The following MMP26 variants were observed in gnomAD, a reference collection of about 807,000 sequenced individuals.
The protein encoded by MMP26 is matrix metalloproteinase-26.
MMP26 carries 33 observed loss-of-function variants against 31.0 expected under a neutral mutation model. The observed-to-expected ratio is 1.06, with a 90% CI of 0.81 to 1.42. MMP26 has a LOEUF of 1.42. MMP26 is among the 40% of genes most tolerant of loss of function. The pLI, the probability that MMP26 is intolerant of heterozygous loss-of-function variation, is 0.00. For synonymous variants in MMP26, 122 were observed against 114.9 expected (o/e 1.06, Z -0.40); for missense variants, 347 against 316.1 (o/e 1.10, Z -0.74).
chr11:4,836,969 G>A (rs774245830), intron 2 of MMP26, among the ~76,000 whole-genome samples: 5 of 151,798 alleles, frequency 3.3e-5, no homozygotes, highest in African/African-American at 1.2e-4. Flanking sequence ...CTTTTTTAGA[G>A]CAATATATGA....
chr11:4,922,083 T>A (rs1267997433), intron 2 of MMP26, among the ~76,000 whole-genome samples: 1 of 152,214 alleles, frequency 6.6e-6, no homozygotes, highest in Non-Finnish European at 1.5e-5. Flanking sequence ...CTTTCACTTA[T>A]AAGGGAGAAC....
intron 2 of MMP26, among the ~76,000 whole-genome samples, chr11:4,847,258 C>G (rs746888146): frequency 2.0e-5 from 3 of 152,140 alleles, no homozygotes; most frequent in Non-Finnish European, 4.4e-5. Context: ...CCACTTTGTC[C>G]CTCCTGATGT....
At chr11:4,808,643 A>G (rs1589907419) in intron 2 of MMP26, among the ~76,000 whole-genome samples, 1 of 150,694 alleles carries the variant, frequency 6.6e-6, no homozygotes, top group Middle Eastern at 3.4e-3. Context: ...CTTCCCATTC[A>G]CTCATACTTC....
intron 2 of MMP26, chr11:4,937,379 C>T (rs1846136159): frequency 6.6e-6 from 1 of 152,186 alleles, no homozygotes; most frequent in South Asian, 2.1e-4. Flanking sequence ...CAAAGTTTCC[C>T]CACAACCTTT....
intron 2 of MMP26, chr11:4,882,792 C>T (rs142859984): frequency 2.5e-5 from 41 of 1,613,736 alleles, no homozygotes; most frequent in Non-Finnish European, 3.3e-5. Flanking sequence ...AGCTTGAAGA[C>T]CAAGACAATC....
rs1014212336 is a variant in MMP26, at chr11:4,714,710, A to G, written c.-217+9665A>G. Among the ~76,000 whole-genome samples, 18 of 152,218 alleles carry G rather than the reference A, an allele frequency of 1.2e-4. 1 individual carries two copies. Among genetic ancestry groups the G allele is most frequent in the African/African-American group, 4.3e-4 (18 of 41,548 alleles). On this transcript the variant is annotated intron_variant, in intron 1 of 7. Transcript: ENST00000380390. ...GTTTGTATGACGGTATAACAATATC[A>G]CTTACTCTGTAATCAGAGAAGAGAG...
chr11:4,778,204 A>C (rs1408030164), intron 2 of MMP26, among the ~76,000 whole-genome samples: 2 of 151,956 alleles, frequency 1.3e-5, no homozygotes, highest in African/African-American at 4.8e-5. Context: ...TAATTTCTTT[A>C]TGACTAATAG....
At chr11:4,906,820 G>A (rs796794057) in intron 2 of MMP26, among the ~76,000 whole-genome samples, 1 of 152,130 alleles carries the variant, frequency 6.6e-6, no homozygotes, top group Admixed American at 6.5e-5. Context: ...GCCAGATGCA[G>A]TGGCTCACAC....
intron 2 of MMP26, among the ~76,000 whole-genome samples, chr11:4,978,625 T>A (rs1846771874): frequency 6.6e-6 from 1 of 152,044 alleles, no homozygotes; most frequent in African/African-American, 2.4e-5. Context: ...TTCCTCATAT[T>A]AAAAAAATTA....
At chr11:4,923,655 T>C (rs1218438955) in intron 2 of MMP26, 1 of 1,613,878 alleles carries the variant, frequency 6.2e-7, no homozygotes, top group South Asian at 1.1e-5. Flanking sequence ...GAGGCAATGC[T>C]GAGCACGGTG....
intron 2 of MMP26, among the ~76,000 whole-genome samples, chr11:4,916,154 TA>T (rs5789343): frequency 7.0e-4 from 103 of 146,488 alleles, no homozygotes; most frequent in Non-Finnish European, 6.3e-4. Context: ...CAGTCTCTAC[TA>T]AAAAAAAAAA....
intron 2 of MMP26, among the ~76,000 whole-genome samples, chr11:4,938,778 G>A (rs1339321121): frequency 6.6e-6 from 1 of 152,100 alleles, no homozygotes; most frequent in Non-Finnish European, 1.5e-5. Context: ...CAGCATATAT[G>A]TATAGGATGA....
chr11:4,989,543 A>T, intron 3 of MMP26, 105 bp from the exon 4 acceptor site: 1 of 836,858 alleles, frequency 1.2e-6, no homozygotes, highest in Non-Finnish European at 1.9e-6. Flanking sequence ...AGGCCAGACT[A>T]AGTACCGTCC....
intron 2 of MMP26, among the ~76,000 whole-genome samples, chr11:4,844,591 C>T (rs1348131283): frequency 6.6e-6 from 1 of 152,020 alleles, no homozygotes; most frequent in African/African-American, 2.4e-5. Flanking sequence ...ATCCCTGGGA[C>T]ACAAGAATGG....
intron 2 of MMP26, among the ~76,000 whole-genome samples, chr11:4,960,458 A>G (rs1458073840): frequency 6.6e-6 from 1 of 151,518 alleles, no homozygotes; most frequent in African/African-American, 2.4e-5. Flanking sequence ...GGCTAGACAA[A>G]CATCCAGCCT....
intron 2 of MMP26, among the ~76,000 whole-genome samples, chr11:4,905,214 C>A (rs1564803851): frequency 6.6e-6 from 1 of 152,082 alleles, no homozygotes; most frequent in African/African-American, 2.4e-5. Flanking sequence ...ATCTCACAAT[C>A]TGCTACCGTC....
At chr11:4,924,042 A>G (rs1342183697) in intron 2 of MMP26, 2 of 1,614,172 alleles carry the variant, frequency 1.2e-6, no homozygotes, top group South Asian at 2.2e-5. Flanking sequence ...AGCTGAGTGA[A>G]ACAGGCAGGG....
chr11:4,708,019 A>G (rs1228876758), intron 1 of MMP26, among the ~76,000 whole-genome samples: 2 of 152,048 alleles, frequency 1.3e-5, no homozygotes, highest in African/African-American at 4.8e-5. Context: ...TAGATTTATT[A>G]CTCTAAGATA....
At chr11:4,844,978 T>C (rs553255781) in intron 2 of MMP26, among the ~76,000 whole-genome samples, 1 of 152,242 alleles carries the variant, frequency 6.6e-6, no homozygotes, top group South Asian at 2.1e-4. Flanking sequence ...TTTCAGAAGA[T>C]ACGATCTTAT....
Sources: gnomAD v4.1 joint callset for allele counts (sites outside exome capture counted in the v4.1 genomes callset) on GRCh38, gnomAD v4.1.1 for gene constraint, MANE v1.5 for transcripts, NCBI Gene and HGNC (gene_info 2026-07-23, HGNC 2026-07-21) for gene names.